The following NRXN1 variants were observed in gnomAD, a reference collection of about 807,000 sequenced individuals.
NRXN1 encodes neurexin-1.
Under a neutral mutation model 150.9 loss-of-function variants are expected in NRXN1, and 39 were observed. That is an observed-to-expected ratio of 0.26 (90% CI 0.20 to 0.34). NRXN1 has a LOEUF of 0.34. Ranked by LOEUF, NRXN1 falls within the 10% of genes least tolerant of loss-of-function variation. NRXN1 has a pLI of 1.00. For synonymous variants in NRXN1, 924 were observed against 757.0 expected, an observed-to-expected ratio of 1.22 and a Z score of -3.62; for missense variants, 1,815 against 1,949.9, an observed-to-expected ratio of 0.93 and a Z score of 1.30.
At chr2:50,232,115 A>G (rs2064997884) in intron 18 of NRXN1, among the ~76,000 whole-genome samples, 1 of 152,098 alleles carries the variant, frequency 6.6e-6, no homozygotes, top group South Asian at 2.1e-4. Flanking sequence ...ACAGAAAAAT[A>G]CCAAGAAATA....
intron 21 of NRXN1, among the ~76,000 whole-genome samples, chr2:49,980,811 G>A (rs1328817227): frequency 2.0e-5 from 3 of 152,008 alleles, no homozygotes; most frequent in Non-Finnish European, 4.4e-5. Flanking sequence ...TTTCAGAGGG[G>A]TTTTCATATG....
chr2:50,652,483 T>C (rs369005905), intron 5 of NRXN1, among the ~76,000 whole-genome samples: 12 of 152,182 alleles, frequency 7.9e-5, no homozygotes, highest in African/African-American at 2.6e-4. Flanking sequence ...AACCACATAA[T>C]GTGTGGACTT....
intron 18 of NRXN1, among the ~76,000 whole-genome samples, chr2:50,212,475 T>C (rs1335228663): frequency 1.3e-5 from 2 of 151,796 alleles, no homozygotes; most frequent in East Asian, 1.9e-4. Flanking sequence ...GGTTTTTTTT[T>C]TCTCTCTTCT....
At chr2:50,097,024 C>T (rs1282065959) in intron 18 of NRXN1, among the ~76,000 whole-genome samples, 1 of 152,136 alleles carries the variant, frequency 6.6e-6, no homozygotes, top group East Asian at 1.9e-4. Context: ...AAGCAGAATA[C>T]ACGTAAGTAA....
intron 8 of NRXN1, among the ~76,000 whole-genome samples, chr2:50,577,653 T>C (rs935883576): frequency 2.6e-5 from 4 of 151,958 alleles, no homozygotes; most frequent in African/African-American, 9.7e-5. Flanking sequence ...ACTTGGGACA[T>C]ATATAAAGAA....
intron 17 of NRXN1, among the ~76,000 whole-genome samples, chr2:50,300,330 C>T (rs1041301380): frequency 2.6e-5 from 4 of 152,156 alleles, no homozygotes; most frequent in African/African-American, 9.7e-5. Context: ...TGTCACAGAA[C>T]TGAAAATTGC....
chr2:50,494,721 A>G (rs960694432), intron 15 of NRXN1, among the ~76,000 whole-genome samples: 5 of 152,218 alleles, frequency 3.3e-5, no homozygotes, highest in African/African-American at 7.2e-5. Flanking sequence ...GTTTAGAAAG[A>G]GCATTTTTCT....
At chr2:51,022,181 T>C (rs571269881) in intron 2 of NRXN1, among the ~76,000 whole-genome samples, 41 of 152,232 alleles carry the variant, frequency 2.7e-4, no homozygotes, top group East Asian at 1.7e-3. Context: ...AGTGAGGTAA[T>C]AGTAACAAAA....
chr2:50,208,499 G>A (rs1228286697), intron 18 of NRXN1, among the ~76,000 whole-genome samples: 1 of 152,038 alleles, frequency 6.6e-6, no homozygotes, highest in Non-Finnish European at 1.5e-5. Context: ...TTGAAAAGGG[G>A]ATATAGCTTT....
chr2:49,951,469 G>A (rs994763718), intron 21 of NRXN1, among the ~76,000 whole-genome samples: 1 of 151,922 alleles, frequency 6.6e-6, no homozygotes, highest in Non-Finnish European at 1.5e-5. Context: ...AGGAAGCCAT[G>A]GAACAACCTA....
At chr2:50,123,173 T>G (rs569248906) in intron 18 of NRXN1, among the ~76,000 whole-genome samples, 3 of 152,294 alleles carry the variant, frequency 2.0e-5, no homozygotes, top group Non-Finnish European at 4.4e-5. Context: ...TAGCTTTAAT[T>G]CTACAATGGA....
chr2:50,516,712 A>G (rs1454835624), intron 12 of NRXN1, among the ~76,000 whole-genome samples: 8 of 151,762 alleles, frequency 5.3e-5, no homozygotes, highest in Admixed American at 3.3e-4. Context: ...CCAAGGATAT[A>G]CCCTTGAGAA....
chr2:50,399,810 A>ATTCT (rs2082282027), intron 17 of NRXN1, among the ~76,000 whole-genome samples: 1 of 24,734 alleles, frequency 4.0e-5, no homozygotes, highest in African/African-American at 2.1e-4. Flanking sequence ...AAAAAAAAAA[A>ATTCT]AAAAAAAAAA....
At chr2:50,398,328 T>C (rs2082174804) in intron 17 of NRXN1, among the ~76,000 whole-genome samples, 1 of 152,154 alleles carries the variant, frequency 6.6e-6, no homozygotes, top group South Asian at 2.1e-4. Context: ...AGCATTCTTA[T>C]TAGTTTCTTT....
chr2:50,621,231 C>T lies in NRXN1; in HGVS notation c.1153G>A (p.Ala385Thr). The T allele has an allele frequency of 6.4e-7, 1 of 1,571,732 alleles. No homozygotes were observed. Among genetic ancestry groups the T allele is most frequent in the Non-Finnish European group, 8.6e-7 (1 of 1,156,988 alleles). ...NLRQHSGIGH[A>T]MVTISVDGIL... is the part of the protein sequence containing the mutation. ...GAACAATGTAGTTTGTTTACCATAG[C>T]GTGTCCAATGCCTGAGTGCTTTGTG... The change falls in exon 7 of 23, where the codon GCT (alanine) becomes ACT (threonine). Residue 385 changes from alanine to threonine, a missense_variant. Physicochemically the swap from Ala to Thr is moderately conservative, Grantham distance 58 (BLOSUM62 0). Transcript: ENST00000401669.
chr2:50,914,271 T>C (rs1684917120), intron 5 of NRXN1, among the ~76,000 whole-genome samples: 1 of 151,672 alleles, frequency 6.6e-6, no homozygotes, highest in African/African-American at 2.4e-5. Flanking sequence ...CTTGATGATC[T>C]CGGAAGAATG....
intron 5 of NRXN1, among the ~76,000 whole-genome samples, chr2:50,665,399 A>C (rs1177490081): frequency 6.6e-6 from 1 of 151,964 alleles, no homozygotes; most frequent in East Asian, 1.9e-4. Context: ...TCATGCAGCA[A>C]CATCTCAACT....
chr2:50,994,920 C>A (rs2105024531), intron 2 of NRXN1, among the ~76,000 whole-genome samples: 1 of 152,022 alleles, frequency 6.6e-6, no homozygotes, highest in Non-Finnish European at 1.5e-5. Flanking sequence ...AAACTATTTT[C>A]TTCACAATTC....
chr2:50,562,405 A>G (rs1669235587), intron 8 of NRXN1, among the ~76,000 whole-genome samples: 1 of 152,082 alleles, frequency 6.6e-6, no homozygotes, highest in Admixed American at 6.6e-5. Flanking sequence ...ATCTGCATTG[A>G]CATACTATCT....
Sources: gnomAD v4.1 joint callset for allele counts (sites outside exome capture counted in the v4.1 genomes callset) on GRCh38, gnomAD v4.1.1 for gene constraint, MANE v1.5 for transcripts, NCBI Gene and HGNC (gene_info 2026-07-23, HGNC 2026-07-21) for gene names.